The following CNNM2 variants were observed in gnomAD, a reference collection of about 807,000 sequenced individuals.
The protein encoded by CNNM2 is metal transporter CNNM2.
A neutral mutation model predicts 66.9 loss-of-function variants in CNNM2; 12 were observed. The ratio of observed to expected loss-of-function variants is 0.18; its 90% CI spans 0.11 to 0.29. The LOEUF (loss-of-function observed/expected upper bound fraction) is 0.29, where lower values mean the gene tolerates loss of function less well. Among genes scored for constraint, CNNM2 ranks in the 10% least tolerant of loss-of-function variants. The pLI, the probability that CNNM2 is intolerant of heterozygous loss-of-function variation, is 1.00. For synonymous variants in CNNM2, 557 were observed against 501.8 expected (o/e 1.11, Z -1.47); for missense variants, 705 against 1,167.7 (o/e 0.60, Z 5.77).
intron 1 of CNNM2, among the ~76,000 whole-genome samples, chr10:102,924,615 G>A (rs1845782817): frequency 6.6e-6 from 1 of 151,710 alleles, no homozygotes; most frequent in Non-Finnish European, 1.5e-5. Flanking sequence ...CTTGAATCTA[G>A]GAAGTTGTTT....
Position 103,078,263 on chromosome 10 carries a change from C to T in CNNM2, c.*1083C>T, listed in dbSNP as rs2065722123. On this transcript the variant is annotated 3_prime_UTR_variant, in exon 8 of 8. Transcript: ENST00000369878. ...TGTGCCGAGAAGGCATTTCTAGACC[C>T]GTGTTTTTAAAGGAGGGAACTTTGG... The T allele has an allele frequency of 1.3e-5, 2 of 152,234 alleles. No homozygotes were observed. The highest frequency in any genetic ancestry group is 1.9e-4 in the East Asian group (1 of 5,182). The allele number at this position is 152,234 out of a possible 1,614,324, so 9.4% of individuals were successfully genotyped here.
rs1554894125 is a variant in CNNM2 at position 102,975,479 on chromosome 10, A to AAC, written c.1621+55379_1621+55380insCA. ...TGTGGGATGGAATTAGAAAAAAAAA[A>AAC]AAAAAAAAACAAACCTCCACAGAGT... On this transcript the variant is annotated intron_variant, in intron 1 of 7. Transcript: ENST00000369878. Among the ~76,000 whole-genome samples the AAC allele has an allele frequency of 3.6e-3, 535 of 150,622 alleles. 6 individuals carry two copies. Among genetic ancestry groups the AAC allele is most frequent in the African/African-American group, 0.013 (515 of 41,096 alleles).
At chr10:102,982,822 G>T (rs2063738284) in intron 1 of CNNM2, among the ~76,000 whole-genome samples, 1 of 152,142 alleles carries the variant, frequency 6.6e-6, no homozygotes, top group Admixed American at 6.6e-5. Flanking sequence ...ATTAGTGATG[G>T]AGTTGCAATA....
rs140279763 is a variant in CNNM2, at chr10:102,919,383, C to G, written c.903C>G (p.Tyr301Ter). 1.2e-6 allele frequency: 2 copies of G among 1,612,164 alleles called. No individual in the cohort carries two copies. The highest frequency in any genetic ancestry group is 1.3e-5 in the African/African-American group (1 of 75,068). The change falls in exon 1 of 8, where the codon TAC becomes TAG. Residue 301 changes from tyrosine to a stop codon, truncating the protein, a stop_gained. Coordinates refer to ENST00000369878, the MANE Select transcript of CNNM2 (RefSeq NM_017649.5). LOFTEE classifies it high-confidence loss of function. ...QNCGTEKEKNYAKRIEPVRRQ... is the reference protein window; with the variant it reads ...QNCGTEKEKN ...GCGGCACGGAGAAGGAGAAGAATTA[C>G]GCCAAGCGCATCGAGCCGGTGCGCA...
chr10:102,918,609 G>A lies in CNNM2; in HGVS notation c.129G>A (p.Ala43=), dbSNP rs1228307203. The stretch of plus-strand genomic sequence containing the variant: ...CTCGCGGCCGGGGGATCCTGCAGGC[G>A]GCTGCGGGGCGGCTGCTGCCGCTGC... The part of the protein sequence containing the change: ...LSARGRGILQ[A]AAGRLLPLLL... Residue 43 remains alanine, a synonymous_variant, in exon 1 of 8, where the codon GCG becomes GCA. Transcript: ENST00000369878. This position sits in a 1 kb window ranked among gnomAD's most constrained non-coding sequence, Gnocchi z 4.1. 1 of 1,551,588 alleles carries A rather than the reference G, an allele frequency of 6.4e-7. No individual in the cohort carries two copies. Among genetic ancestry groups the A allele is most frequent in the Non-Finnish European group, 8.7e-7 (1 of 1,150,410 alleles).
intron 1 of CNNM2, among the ~76,000 whole-genome samples, chr10:103,033,394 G>A (rs2064868225): frequency 6.6e-6 from 1 of 152,074 alleles, no homozygotes; most frequent in Admixed American, 6.6e-5. Context: ...GTTTCACTGT[G>A]TTAGCCAGGA....
chr10:103,075,847 G>A (rs1303845657), intron 6 of CNNM2, among the ~76,000 whole-genome samples: 3 of 152,194 alleles, frequency 2.0e-5, no homozygotes, highest in African/African-American at 7.2e-5. Flanking sequence ...AGACTTGGGA[G>A]GATTGTGTCT....
At chr10:103,038,588 A>G (rs891987942) in intron 1 of CNNM2, among the ~76,000 whole-genome samples, 1 of 152,068 alleles carries the variant, frequency 6.6e-6, no homozygotes, top group Non-Finnish European at 1.5e-5. Flanking sequence ...ATAAACCTCT[A>G]CCCTCACCAA....
intron 1 of CNNM2, among the ~76,000 whole-genome samples, chr10:102,983,549 T>A (rs544823810): frequency 6.6e-6 from 1 of 151,772 alleles, no homozygotes; most frequent in East Asian, 1.9e-4. Context: ...AGTGATCCTC[T>A]CACCTCAGCC....
In CNNM2 at chr10:103,081,487, T is replaced by G. The variant is rs1392404487; in HGVS notation, c.*4307T>G. 1.3e-5 allele frequency: 2 copies of G among 152,240 alleles called. No individual in the cohort carries two copies. The highest frequency in any genetic ancestry group is 4.8e-5 in the African/African-American group (2 of 41,464). The allele number at this position is 152,240 out of a possible 1,614,324, so 9.4% of individuals were successfully genotyped here. On this transcript the variant is annotated 3_prime_UTR_variant, in exon 8 of 8. Transcript: ENST00000369878. ...TTCAGAAATTTTTCTGATGTATCAA[T>G]GAGCAACTTCTCAGTGGATTTTTAT...
At chr10:103,044,680 G>A (rs1401564472) in intron 1 of CNNM2, among the ~76,000 whole-genome samples, 1 of 152,268 alleles carries the variant, frequency 6.6e-6, no homozygotes, top group African/African-American at 2.4e-5. Flanking sequence ...GAGTGAAGGA[G>A]AGAGGTGTCA....
intron 6 of CNNM2, among the ~76,000 whole-genome samples, chr10:103,072,566 G>A (rs564343081): frequency 6.6e-6 from 1 of 152,258 alleles, no homozygotes; most frequent in South Asian, 2.1e-4. Context: ...TTGTTTTGGA[G>A]TGAACACCCG....
rs532972494 is a variant in CNNM2, at chr10:102,946,051, A to G, written c.1621+25950A>G. 3.3e-5 allele frequency among the ~76,000 whole-genome samples: 5 copies of G among 152,294 alleles called. No individual in the cohort carries two copies. The East Asian group carries it at 7.7e-4, about 23-fold the overall frequency. On this transcript the variant is annotated intron_variant, in intron 1 of 7. Transcript: ENST00000369878. Reference sequence around the variant, plus strand: ...CATAAATATTTGATCTATAATGTGCAAGGCAGTGTGGAAAATGCAAAGCCA... The same window carrying G: ...CATAAATATTTGATCTATAATGTGCGAGGCAGTGTGGAAAATGCAAAGCCA...
At chr10:102,958,574 G>T (rs922150291) in intron 1 of CNNM2, among the ~76,000 whole-genome samples, 4 of 140,752 alleles carry the variant, frequency 2.8e-5, no homozygotes, top group African/African-American at 1.0e-4. Context: ...AGGTTCAGGC[G>T]ATTCTCCTGC....
intron 1 of CNNM2, among the ~76,000 whole-genome samples, chr10:103,013,788 T>C (rs952197612): frequency 1.3e-5 from 2 of 152,230 alleles, no homozygotes; most frequent in Non-Finnish European, 2.9e-5. Flanking sequence ...TATTATACTT[T>C]AGTTCAGAAA....
chr10:102,989,031 T>C (rs1386455990), intron 1 of CNNM2, among the ~76,000 whole-genome samples: 2 of 152,224 alleles, frequency 1.3e-5, no homozygotes, highest in Non-Finnish European at 2.9e-5. Flanking sequence ...CACAGGCTTG[T>C]ATGATTTGAA....
chr10:102,945,882 T>C (rs1846601467), intron 1 of CNNM2, among the ~76,000 whole-genome samples: 2 of 152,144 alleles, frequency 1.3e-5, no homozygotes, highest in South Asian at 4.2e-4. Context: ...TTTGTTTAGT[T>C]TGCCTTGGGC....
intron 4 of CNNM2, among the ~76,000 whole-genome samples, chr10:103,057,627 C>G (rs2065317645): frequency 6.6e-6 from 1 of 152,084 alleles, no homozygotes; most frequent in African/African-American, 2.4e-5. Flanking sequence ...GGTTATTGGT[C>G]CTTTTTCCAT....
intron 1 of CNNM2, among the ~76,000 whole-genome samples, chr10:103,008,551 G>A (rs534451527): frequency 1.3e-4 from 20 of 152,324 alleles, no homozygotes; most frequent in African/African-American, 4.6e-4. Flanking sequence ...GGCCAAGGCA[G>A]GAGGATCACT....
Sources: gnomAD v4.1 joint callset for allele counts (sites outside exome capture counted in the v4.1 genomes callset) on GRCh38, gnomAD v4.1.1 for gene constraint, Gnocchi (gnomAD v3.1) non-coding constraint, MANE v1.5 for transcripts, NCBI Gene and HGNC (gene_info 2026-07-23, HGNC 2026-07-21) for gene names.